QRICH1: variants seen among roughly 807,000 people sequenced by gnomAD.
QRICH1 encodes the protein glutamine rich 1.
A neutral mutation model predicts 87.1 loss-of-function variants in QRICH1; 16 were observed. The observed-to-expected ratio is 0.18, with a 90% CI of 0.12 to 0.28. The LOEUF (loss-of-function observed/expected upper bound fraction) is 0.28. Ranked by LOEUF, QRICH1 falls within the 10% of genes least tolerant of loss-of-function variation. The pLI is 1.00. For synonymous variants in QRICH1, 367 were observed against 368.4 expected (o/e 1.00, Z 0.05); for missense variants, 647 against 951.7 (o/e 0.68, Z 4.21).
chr3:49,087,833 A>AAAAAAAAAAAAAAAAAAC (rs2042196926), intron 1 of QRICH1, among the ~76,000 whole-genome samples: 1 of 149,230 alleles, frequency 6.7e-6, no homozygotes, highest in Non-Finnish European at 1.5e-5. Flanking sequence ...AAAAAAAAAA[A>AAAAAAAAAAAAAAAAAAC]AAAAAAGAAC....
rs201882007 is a variant in QRICH1 at position 49,046,518 on chromosome 3, A to G, written c.1578T>C (p.Tyr526=). The G allele has an allele frequency of 1.0e-4, 167 of 1,614,020 alleles. No homozygotes were observed. Among genetic ancestry groups the G allele is most frequent in the Non-Finnish European group, 1.3e-4 (156 of 1,180,024 alleles). Residue 526 remains tyrosine (Y), a synonymous_variant, in exon 5 of 10, where the codon TAT becomes TAC. Coordinates refer to ENST00000395443, the MANE Select transcript of QRICH1 (RefSeq NM_198880.3). The part of the protein sequence containing the change: ...LISSAVAELN[Y]GLCLMTREAR... ...CTTCCCGTGTCATTAGACAGAGCCC[A>G]TAATTCAACTCTGCCACAGCAGAGG...
Position 49,069,825 on chromosome 3 carries a change from T to C in QRICH1, c.309+6884A>G, listed in dbSNP as rs1213872399. 6.6e-5 allele frequency among the ~76,000 whole-genome samples: 10 copies of C among 152,176 alleles called. No homozygotes were observed. The East Asian group carries it at 1.9e-3, about 29-fold the overall frequency. ...GCAGTAACAATTATCATCAAACTAA[T>C]GTATCTCTAACTTGCTCATCAAGGT... is the stretch of plus-strand genomic sequence containing the variant. On this transcript the variant is annotated intron_variant, in intron 2 of 9. Transcript: ENST00000395443.
rs182906396 is a variant in QRICH1, at chr3:49,082,243, C to A, written c.-21-5205G>T. Among the ~76,000 whole-genome samples the A allele has an allele frequency of 2.1e-4, 32 of 152,264 alleles. 1 individual carries two copies. Among genetic ancestry groups the A allele is most frequent in the African/African-American group, 3.1e-4 (13 of 41,542 alleles). On this transcript the variant is annotated intron_variant, in intron 1 of 9. Coordinates refer to ENST00000395443, the MANE Select transcript of QRICH1 (RefSeq NM_198880.3). ...TGAGCCACTGCGCCCAGCAAGGTGT[C>A]CTCTATTTTTGACAAACATTTAGCT... is the stretch of plus-strand genomic sequence containing the variant.
At chr3:49,036,378 T>C (rs1219868264) in intron 6 of QRICH1, among the ~76,000 whole-genome samples, 2 of 152,138 alleles carry the variant, frequency 1.3e-5, no homozygotes, top group African/African-American at 2.4e-5. Flanking sequence ...GCTCCAGAAC[T>C]GAAGGATTCT....
intron 1 of QRICH1, among the ~76,000 whole-genome samples, chr3:49,077,308 T>C (rs1455252615): frequency 6.6e-6 from 1 of 152,084 alleles, no homozygotes; most frequent in Admixed American, 6.6e-5. Context: ...GAAAACACAC[T>C]TCCTACCCAG....
At position 49,044,402 on chromosome 3, in the gene QRICH1, C is replaced by T; in HGVS notation, c.1774G>A (p.Val592Ile). 6.2e-7 allele frequency: 1 copy of T among 1,611,460 alleles called. No homozygotes were observed. The highest frequency in any genetic ancestry group is 8.5e-7 in the Non-Finnish European group (1 of 1,178,274). Residue 592 changes from valine to isoleucine, a missense_variant, in exon 6 of 10, where the codon GTC becomes ATC. Physicochemically the swap from Val to Ile is conservative, Grantham distance 29 (BLOSUM62 3). Around this residue, in one of 7 missense-constraint regions of QRICH1, gnomAD observed 187 missense variants for 309.5 expected, o/e 0.60. Transcript: ENST00000395443. The stretch of plus-strand genomic sequence containing the variant: ...GGGAGACTCTTACCAAGTGGAGTGA[C>T]CCGGGGCTGAACATCCTTCAGAACT... ...HEVLKDVQPR[V>I]TPLGYVLPSH...
chr3:49,047,084 A>G lies in QRICH1; in HGVS notation c.1501T>C (p.Leu501=), dbSNP rs2093343123. 1 of 1,613,468 alleles carries G rather than the reference A, an allele frequency of 6.2e-7. No individual in the cohort carries two copies. Among genetic ancestry groups the G allele is most frequent in the South Asian group, 1.1e-5 (1 of 91,032 alleles). The part of the protein sequence containing the change: ...AELEKDAQNR[L]APIGRRQLLR... ...AGACACTCACTCCCAATGGGTGCCA[A>G]TCTGTTCTGAGCATCCTTCTCTAGT... Residue 501 remains leucine (L), a synonymous_variant, in exon 4 of 10, where the codon TTG becomes CTG. Transcript: ENST00000395443.
At position 49,085,335 on chromosome 3, in the gene QRICH1, C is replaced by T. The variant is rs1470012912; in HGVS notation, c.-21-8297G>A. Among the ~76,000 whole-genome samples the T allele has an allele frequency of 2.0e-5, 3 of 149,900 alleles. 1 individual carries two copies. The highest frequency in any genetic ancestry group is 1.5e-5 in the Non-Finnish European group (1 of 67,676). ...CAGGCGGATCACCAGGTCAGGAGAT[C>T]GAGACCATCCTGGCTATCACGGTGA... is the stretch of plus-strand genomic sequence containing the variant. On this transcript the variant is annotated intron_variant, in intron 1 of 9. Coordinates refer to ENST00000395443, the MANE Select transcript of QRICH1 (RefSeq NM_198880.3).
chr3:49,072,354 G>C (rs1469674464), intron 2 of QRICH1, among the ~76,000 whole-genome samples: 1 of 151,308 alleles, frequency 6.6e-6, no homozygotes. Context: ...TGAAATTCTG[G>C]CTCTATCAAA....
chr3:49,050,213 C>T (rs1422607423), intron 3 of QRICH1, among the ~76,000 whole-genome samples: 1 of 125,458 alleles, frequency 8.0e-6, no homozygotes, highest in Non-Finnish European at 1.6e-5. Flanking sequence ...TGTGCCACTG[C>T]AATCCGGCCT....
chr3:49,040,258 T>C (rs62262474), intron 6 of QRICH1, among the ~76,000 whole-genome samples: 3 of 152,242 alleles, frequency 2.0e-5, no homozygotes, highest in Non-Finnish European at 2.9e-5. Flanking sequence ...GTTCCAACAA[T>C]AGCCCTCCCT....
chr3:49,051,584 G>GCCCCCCCCC (rs11420410), intron 3 of QRICH1, among the ~76,000 whole-genome samples: 1 of 57,006 alleles, frequency 1.8e-5, no homozygotes, highest in Non-Finnish European at 3.6e-5. Flanking sequence ...CCCCCCCTGC[G>GCCCCCCCCC]CCCCCCCCCC....
intron 1 of QRICH1, among the ~76,000 whole-genome samples, chr3:49,088,486 C>T (rs1250128433): frequency 2.6e-5 from 4 of 151,272 alleles, no homozygotes; most frequent in Admixed American, 1.3e-4. Context: ...TTAGTAGAAT[C>T]GGGGTTTCAC....
intron 6 of QRICH1, 48 bp from the exon 7 acceptor site, chr3:49,033,276 C>G (rs996612333): frequency 8.2e-7 from 1 of 1,214,308 alleles, no homozygotes; most frequent in Admixed American, 2.7e-5. Flanking sequence ...CAGGTGGTCT[C>G]TCAAAGGTAC....
intron 6 of QRICH1, among the ~76,000 whole-genome samples, chr3:49,037,662 G>A (rs1350730873): frequency 6.6e-6 from 1 of 151,918 alleles, no homozygotes; most frequent in Non-Finnish European, 1.5e-5. Flanking sequence ...AACCCAGGAG[G>A]TGGAGGTTAC....
intron 2 of QRICH1, among the ~76,000 whole-genome samples, chr3:49,066,970 G>A (rs191181506): frequency 6.6e-6 from 1 of 151,784 alleles, no homozygotes; most frequent in Non-Finnish European, 1.5e-5. Flanking sequence ...CCTGGGGGGC[G>A]GAGGTTGCAG....
In QRICH1 at chr3:49,053,486, C is replaced by CAAAAA. The variant is rs11417565; in HGVS notation, c.1338+3371_1338+3375dup. On this transcript the variant is annotated intron_variant, in intron 3 of 9. Coordinates refer to ENST00000395443, the MANE Select transcript of QRICH1 (RefSeq NM_198880.3). ...GGTGACAGAATGAGACCCCCTGTCTCAAAAAAAAAAAAAAAAAAACAAGTC... is the reference window on the plus strand; with the variant it reads ...GGTGACAGAATGAGACCCCCTGTCTCAAAAAAAAAAAAAAAAAAAAAAAACAAGTC... Among the ~76,000 whole-genome samples, 5 of 112,866 alleles carry CAAAAA rather than the reference C, an allele frequency of 4.4e-5. 1 individual carries two copies. The highest frequency in any genetic ancestry group is 5.3e-5 in the Non-Finnish European group (3 of 56,462). 74.0% of individuals were successfully genotyped at this position (112,866 alleles called of 152,430 possible). A position where few individuals can be genotyped will look rare whatever the true frequency, so the allele number is the denominator to read the frequency against.
chr3:49,030,383 C>A lies in QRICH1; in HGVS notation c.*69G>T. 1 of 1,456,102 alleles carries A rather than the reference C, an allele frequency of 6.9e-7. No homozygotes were observed. The highest frequency in any genetic ancestry group is 9.4e-7 in the Non-Finnish European group (1 of 1,069,276). 90.2% of individuals were successfully genotyped at this position (1,456,102 alleles called of 1,614,324 possible). On this transcript the variant is annotated 3_prime_UTR_variant, in exon 10 of 10. Coordinates refer to ENST00000395443, the MANE Select transcript of QRICH1 (RefSeq NM_198880.3). ...AAAAAAGAAAAAAAAAAATGGAGGC[C>A]TCTTCTTTAGTGTGAAAGTCTGTCT...
intron 6 of QRICH1, among the ~76,000 whole-genome samples, chr3:49,039,003 G>A (rs2093293450): frequency 6.6e-6 from 1 of 152,092 alleles, no homozygotes; most frequent in African/African-American, 2.4e-5. Context: ...CTCCAGCCTG[G>A]AAGACAAAGT....
Sources: gnomAD v4.1 joint callset for allele counts (sites outside exome capture counted in the v4.1 genomes callset) on GRCh38, gnomAD v4.1.1 for gene constraint, gnomAD v4.1.1 regional missense constraint, MANE v1.5 for transcripts, NCBI Gene and HGNC (gene_info 2026-07-23, HGNC 2026-07-21) for gene names.